TMEM233: variants seen among roughly 807,000 people sequenced by gnomAD.
TMEM233 encodes transmembrane protein 233, also known as dispanin subfamily B member 2.
A neutral mutation model predicts 11.2 loss-of-function variants in TMEM233; 6 were observed. The observed-to-expected ratio is 0.54, with a 90% CI of 0.29 to 1.06. The LOEUF is 1.06. TMEM233 is among the 50% of genes least tolerant of loss of function. The pLI is 0.08. For synonymous variants in TMEM233, 59 were observed against 55.8 expected, an observed-to-expected ratio of 1.06 and a Z score of -0.26; for missense variants, 127 against 144.7, an observed-to-expected ratio of 0.88 and a Z score of 0.63.
chr12:119,593,874 A>C lies in TMEM233; in HGVS notation c.26A>C (p.Asp9Ala). 1.3e-6 allele frequency: 2 copies of C among 1,551,620 alleles called. No individual in the cohort carries two copies. Among genetic ancestry groups the C allele is most frequent in the Non-Finnish European group, 1.7e-6 (2 of 1,146,952 alleles). The stretch of plus-strand genomic sequence containing the variant: ...ATGTCTCAGTACGCCCCTAGCCCGG[A>C]CTTCAAGAGGGCTTTGGACAGCAGT... MSQYAPSP[D>A]FKRALDSSPE... The change falls in exon 1 of 3, where the codon GAC (aspartate) becomes GCC (alanine). Residue 9 changes from aspartate to alanine, a missense_variant. Coordinates refer to ENST00000426426, the MANE Select transcript of TMEM233 (RefSeq NM_001136534.3). This position sits in a 1 kb window ranked among gnomAD's most constrained non-coding sequence, Gnocchi z 4.1.
chr12:119,603,418 G>T (rs1171598461), intron 1 of TMEM233, among the ~76,000 whole-genome samples: 1 of 152,244 alleles, frequency 6.6e-6, no homozygotes, highest in Non-Finnish European at 1.5e-5. Context: ...GGTAGAGCTT[G>T]TCATTAAATA....
intron 2 of TMEM233, chr12:119,634,210 A>G: frequency 1.0e-6 from 1 of 984,962 alleles, no homozygotes; most frequent in Non-Finnish European, 1.2e-6. Flanking sequence ...CTTTGTAACA[A>G]TCTATTTCCA....
chr12:119,622,768 T>C (rs1444165722), intron 1 of TMEM233, among the ~76,000 whole-genome samples: 1 of 152,182 alleles, frequency 6.6e-6, no homozygotes, highest in African/African-American at 2.4e-5. Flanking sequence ...CCAGCAGATC[T>C]ACCCGTGGGC....
chr12:119,611,618 G>A (rs1412086024), intron 1 of TMEM233, among the ~76,000 whole-genome samples: 3 of 151,844 alleles, frequency 2.0e-5, no homozygotes, highest in Non-Finnish European at 4.4e-5. Context: ...TCTCCTTTTT[G>A]TGGGTTTTCT....
intron 2 of TMEM233, among the ~76,000 whole-genome samples, chr12:119,632,625 T>C (rs776712802): frequency 1.3e-5 from 2 of 152,126 alleles, no homozygotes; most frequent in Non-Finnish European, 2.9e-5. Flanking sequence ...GTGGGGACCA[T>C]GGTAATTTCA....
intron 2 of TMEM233, 37 bp downstream of exon 2, chr12:119,629,909 GC>G: frequency 6.5e-7 from 1 of 1,537,966 alleles, no homozygotes; most frequent in Non-Finnish European, 8.8e-7. Flanking sequence ...CATGTCAAAC[GC>G]CCTTTCTCGA....
At chr12:119,615,064 T>A (rs921417926) in intron 1 of TMEM233, among the ~76,000 whole-genome samples, 2 of 148,708 alleles carry the variant, frequency 1.3e-5, no homozygotes, top group African/African-American at 5.0e-5. Context: ...CTTTCCCCCC[T>A]CCAGACCTTT....
intron 2 of TMEM233, among the ~76,000 whole-genome samples, chr12:119,632,576 C>T (rs768704056): frequency 6.6e-6 from 1 of 152,108 alleles, no homozygotes; most frequent in Non-Finnish European, 1.5e-5. Context: ...AGGGGAAGGA[C>T]ATACATGAGG....
At chr12:119,630,373 T>A (rs1273483888) in intron 2 of TMEM233, among the ~76,000 whole-genome samples, 2 of 152,200 alleles carry the variant, frequency 1.3e-5, no homozygotes, top group Non-Finnish European at 2.9e-5. Flanking sequence ...AGCTGCACCA[T>A]CTTGTAGCTG....
At chr12:119,650,977 A>C in the TMEM233 span, among the ~76,000 whole-genome samples, 1 of 152,220 alleles carries the variant, frequency 6.6e-6, no homozygotes, top group Non-Finnish European at 1.5e-5. Context: ...CTGAGGTCTC[A>C]CTTCAATGTC....
intron 1 of TMEM233, among the ~76,000 whole-genome samples, chr12:119,602,800 T>C (rs934597251): frequency 6.6e-5 from 10 of 152,234 alleles, no homozygotes; most frequent in African/African-American, 2.4e-4. Context: ...ACTGATGACA[T>C]GCTGTAATGG....
downstream of TMEM233, among the ~76,000 whole-genome samples, chr12:119,645,320 CAAAAAA>C (rs3078450): frequency 4.0e-5 from 3 of 74,794 alleles, no homozygotes; most frequent in South Asian, 5.6e-4. Context: ...CACCAATTAC[CAAAAAA>C]AAAAAAAAAA....
intron 1 of TMEM233, among the ~76,000 whole-genome samples, chr12:119,606,583 G>A (rs1004361808): frequency 1.3e-5 from 2 of 152,052 alleles, no homozygotes; most frequent in South Asian, 2.1e-4. Flanking sequence ...TCAGAATATT[G>A]GCATTAGCAA....
intron 1 of TMEM233, among the ~76,000 whole-genome samples, chr12:119,628,372 G>A (rs571960833): frequency 6.6e-6 from 1 of 151,918 alleles, no homozygotes; most frequent in South Asian, 2.1e-4. Context: ...TGTTGGCCAG[G>A]ATGGTCTTGA....
chr12:119,617,255 G>C (rs1954556049), intron 1 of TMEM233, among the ~76,000 whole-genome samples: 1 of 152,210 alleles, frequency 6.6e-6, no homozygotes, highest in Admixed American at 6.5e-5. Flanking sequence ...TTAGAGACTT[G>C]TTGAATGGCT....
chr12:119,605,567 T>A (rs1209859929), intron 1 of TMEM233, among the ~76,000 whole-genome samples: 1 of 151,936 alleles, frequency 6.6e-6, no homozygotes, highest in Non-Finnish European at 1.5e-5. Flanking sequence ...CAGCTGGAAC[T>A]ATAGGCACGC....
chr12:119,640,818 C>G lies in TMEM233; in HGVS notation c.*113C>G, dbSNP rs1955070754. The G allele has an allele frequency of 8.4e-7, 1 of 1,194,242 alleles. No homozygotes were observed. The highest frequency in any genetic ancestry group is 1.2e-6 in the Non-Finnish European group (1 of 848,622). The allele number at this position is 1,194,242 out of a possible 1,614,324, so 74.0% of individuals were successfully genotyped here. A position where few individuals can be genotyped will look rare whatever the true frequency, so the allele number is the denominator to read the frequency against. ...CTTCAGACTGTGAGATCTTTTCCTC[C>G]AGGACTCTCCAGAGGCAGGTCCCTG... On this transcript the variant is annotated 3_prime_UTR_variant, in exon 3 of 3. Transcript: ENST00000426426.
the TMEM233 span, among the ~76,000 whole-genome samples, chr12:119,653,933 A>G: frequency 6.6e-6 from 1 of 151,204 alleles, no homozygotes; most frequent in African/African-American, 2.4e-5. Flanking sequence ...AATGTTTCCA[A>G]ATGGTATTAA....
At position 119,595,200 on chromosome 12, in the gene TMEM233, G is replaced by T. The variant is rs1176292535; in HGVS notation, c.186+1166G>T. Among the ~76,000 whole-genome samples the T allele has an allele frequency of 6.6e-6, 1 of 152,320 alleles. No homozygotes were observed. Among genetic ancestry groups the T allele is most frequent in the Non-Finnish European group, 1.5e-5 (1 of 68,032 alleles). Reference sequence around the variant, plus strand: ...CAGCAGCTGGCCCGGGGGTGGCGGCGGGGTGAGGTTCGTACCGGCACTGTC... The same window carrying T: ...CAGCAGCTGGCCCGGGGGTGGCGGCTGGGTGAGGTTCGTACCGGCACTGTC... On this transcript the variant is annotated intron_variant, in intron 1 of 2. Transcript: ENST00000426426. The surrounding 1 kb of genome is among the most constrained non-coding windows in gnomAD (Gnocchi z 4.3).
Sources: allele counts gnomAD v4.1 joint callset (sites outside exome capture counted in the v4.1 genomes callset), GRCh38; gene constraint gnomAD v4.1.1; non-coding constraint Gnocchi (gnomAD v3.1); transcripts MANE v1.5; gene names NCBI Gene and HGNC (gene_info 2026-07-23, HGNC 2026-07-21).